DOK6: variants seen among roughly 807,000 people sequenced by gnomAD.
The protein encoded by DOK6 is docking protein 6.
In DOK6, 22 loss-of-function variants were observed where a neutral mutation model predicts 44.0. The observed-to-expected ratio is 0.50, with a 90% CI of 0.36 to 0.71. DOK6 has a LOEUF of 0.71. Ranked by LOEUF, DOK6 falls within the 30% of genes least tolerant of loss-of-function variation. The pLI is 0.00. For synonymous variants in DOK6, 166 were observed against 145.5 expected (o/e 1.14, Z -1.01); for missense variants, 340 against 416.4 (o/e 0.82, Z 1.60).
chr18:69,410,895 A>G (rs1368512766), intron 1 of DOK6, among the ~76,000 whole-genome samples: 1 of 152,144 alleles, frequency 6.6e-6, no homozygotes, highest in Non-Finnish European at 1.5e-5. Flanking sequence ...TCAGTTTTGT[A>G]TTCTTCATAA....
At chr18:69,582,220 CTT>C (rs1030671383) in intron 2 of DOK6, among the ~76,000 whole-genome samples, 5 of 152,140 alleles carry the variant, frequency 3.3e-5, no homozygotes, top group Non-Finnish European at 7.4e-5. Context: ...TCTGATATAA[CTT>C]TATTTACAAA....
At chr18:69,588,300 A>G (rs1983550709) in intron 2 of DOK6, among the ~76,000 whole-genome samples, 1 of 152,222 alleles carries the variant, frequency 6.6e-6, no homozygotes, top group Admixed American at 6.5e-5. Context: ...ATTACATATT[A>G]TAGCAGAAAA....
At chr18:69,613,255 G>T (rs913551619) in intron 3 of DOK6, among the ~76,000 whole-genome samples, 1 of 152,184 alleles carries the variant, frequency 6.6e-6, no homozygotes, top group Non-Finnish European at 1.5e-5. Context: ...CTGCGTATGT[G>T]TGTGTGTGCA....
chr18:69,445,839 C>A (rs1979270845), intron 1 of DOK6, among the ~76,000 whole-genome samples: 1 of 152,134 alleles, frequency 6.6e-6, no homozygotes, highest in Admixed American at 6.5e-5. Context: ...TGAGCTATGA[C>A]TGCATCATTG....
At chr18:69,654,278 A>G (rs530432165) in intron 3 of DOK6, among the ~76,000 whole-genome samples, 13 of 152,338 alleles carry the variant, frequency 8.5e-5, no homozygotes, top group South Asian at 2.1e-4. Context: ...TGTGTCAAGG[A>G]AATATTTGAA....
intron 3 of DOK6, chr18:69,661,272 A>C (rs1222172621): frequency 1.3e-5 from 2 of 152,236 alleles, no homozygotes; most frequent in African/African-American, 4.8e-5. Context: ...CACATGCTGC[A>C]AAGGGCAAGG....
At chr18:69,670,110 A>G (rs1304664891) in intron 3 of DOK6, among the ~76,000 whole-genome samples, 6 of 152,082 alleles carry the variant, frequency 3.9e-5, no homozygotes, top group East Asian at 3.9e-4. Context: ...ATTGTTATCA[A>G]TTTGATTTTC....
At chr18:69,488,065 G>A (rs1284175049) in intron 1 of DOK6, among the ~76,000 whole-genome samples, 1 of 152,088 alleles carries the variant, frequency 6.6e-6, no homozygotes, top group Non-Finnish European at 1.5e-5. Context: ...CAAGGTGCTG[G>A]CCAGGTAGGT....
intron 1 of DOK6, among the ~76,000 whole-genome samples, chr18:69,515,306 C>G (rs1341247770): frequency 6.6e-6 from 1 of 152,156 alleles, no homozygotes; most frequent in African/African-American, 2.4e-5. Context: ...CTTTCTAATG[C>G]ATATGAAAGG....
At chr18:69,661,246 C>G (rs1450960082) in intron 3 of DOK6, 1 of 152,232 alleles carries the variant, frequency 6.6e-6, no homozygotes, top group Admixed American at 6.5e-5. Context: ...AGGTGTCTCT[C>G]TTTTCTCTGT....
At chr18:69,682,095 G>A (rs566688717) in intron 4 of DOK6, among the ~76,000 whole-genome samples, 2 of 152,300 alleles carry the variant, frequency 1.3e-5, no homozygotes, top group African/African-American at 4.8e-5. Flanking sequence ...ATATGCTAGT[G>A]TTGTTTCTAA....
intron 2 of DOK6, among the ~76,000 whole-genome samples, chr18:69,568,952 A>G (rs940657927): frequency 1.3e-5 from 2 of 151,980 alleles, no homozygotes; most frequent in African/African-American, 4.8e-5. Flanking sequence ...GGTGAGTTGT[A>G]TAATTATTTC....
chr18:69,707,357 C>T (rs1029758943), intron 5 of DOK6, among the ~76,000 whole-genome samples: 4 of 152,324 alleles, frequency 2.6e-5, no homozygotes, highest in African/African-American at 9.6e-5. Flanking sequence ...TATAGAAACT[C>T]TTAAGACATG....
At chr18:69,573,940 T>G (rs1983178676) in intron 2 of DOK6, among the ~76,000 whole-genome samples, 1 of 152,024 alleles carries the variant, frequency 6.6e-6, no homozygotes, top group Non-Finnish European at 1.5e-5. Context: ...ATTGCTCAAA[T>G]TAAGGTAAAA....
chr18:69,544,308 A>G (rs905455390), intron 1 of DOK6, among the ~76,000 whole-genome samples: 18 of 151,500 alleles, frequency 1.2e-4, no homozygotes, highest in Admixed American at 7.2e-4. Context: ...AGTGCTGTAG[A>G]TATCAATGTT....
At chr18:69,771,843 G>C (rs1406664851) in intron 7 of DOK6, among the ~76,000 whole-genome samples, 1 of 151,824 alleles carries the variant, frequency 6.6e-6, no homozygotes, top group East Asian at 1.9e-4. Flanking sequence ...AAAATTAAGT[G>C]AAGAAAATAA....
At chr18:69,770,612 A>T (rs550201561) in intron 7 of DOK6, among the ~76,000 whole-genome samples, 2 of 152,192 alleles carry the variant, frequency 1.3e-5, no homozygotes, top group African/African-American at 4.8e-5. Flanking sequence ...AATCTCGTAT[A>T]ACAGCCTTGC....
At chr18:69,839,005 C>T (rs1202168890) in intron 7 of DOK6, among the ~76,000 whole-genome samples, 1 of 151,340 alleles carries the variant, frequency 6.6e-6, no homozygotes, top group African/African-American at 2.4e-5. Flanking sequence ...TAACTCCTCC[C>T]CTAGATGTTC....
At chr18:69,713,653 T>G (rs988450961) in intron 5 of DOK6, among the ~76,000 whole-genome samples, 1 of 152,232 alleles carries the variant, frequency 6.6e-6, no homozygotes, top group Admixed American at 6.5e-5. Flanking sequence ...AAACGGCCTC[T>G]AAAATTGTAT....
Sources: gnomAD v4.1 joint callset for allele counts (sites outside exome capture counted in the v4.1 genomes callset) on GRCh38, gnomAD v4.1.1 for gene constraint, MANE v1.5 for transcripts, NCBI Gene and HGNC (gene_info 2026-07-23, HGNC 2026-07-21) for gene names.